The following ZBTB20 variants were observed in gnomAD, a reference collection of about 807,000 sequenced individuals.
ZBTB20 encodes zinc finger and BTB domain containing 20.
ZBTB20 carries 9 observed loss-of-function variants against 56.9 expected under a neutral mutation model. That is an observed-to-expected ratio of 0.16 (90% CI 0.10 to 0.28). ZBTB20 has a LOEUF of 0.28. Ranked by LOEUF, ZBTB20 falls within the 10% of genes least tolerant of loss-of-function variation. The pLI is 1.00. For synonymous variants in ZBTB20, 417 were observed against 420.7 expected (o/e 0.99, Z 0.11); for missense variants, 655 against 1,003.0 (o/e 0.65, Z 4.69).
At chr3:114,867,144 G>C (rs979203711) in intron 4 of ZBTB20, among the ~76,000 whole-genome samples, 2 of 152,162 alleles carry the variant, frequency 1.3e-5, no homozygotes, top group African/African-American at 4.8e-5. Context: ...TGTTCTGTGG[G>C]CACTCGGCTC....
chr3:114,607,303 A>AT (rs34327675), intron 6 of ZBTB20, among the ~76,000 whole-genome samples: 2,929 of 135,606 alleles, frequency 0.022, 57 homozygotes, highest in Non-Finnish European at 0.031. Flanking sequence ...CTGTTCATTC[A>AT]TTTTTTTTTT....
chr3:114,713,552 C>T (rs2064242596), intron 5 of ZBTB20, among the ~76,000 whole-genome samples: 1 of 152,180 alleles, frequency 6.6e-6, no homozygotes, highest in African/African-American at 2.4e-5. Flanking sequence ...CTCAAAGCAT[C>T]ATCTGGCTTT....
At chr3:114,900,712 C>T (rs2075084052) in intron 3 of ZBTB20, 1 of 151,740 alleles carries the variant, frequency 6.6e-6, no homozygotes, top group South Asian at 2.1e-4. Context: ...AATATGACTG[C>T]TGCTCTCTAA....
chr3:114,949,506 G>A, intron 3 of ZBTB20, among the ~76,000 whole-genome samples: 1 of 146,468 alleles, frequency 6.8e-6, no homozygotes, highest in East Asian at 1.9e-4. Context: ...GGCGGCTCAT[G>A]CCTGTAATCC....
At chr3:114,415,720 G>A (rs73241528) in intron 7 of ZBTB20, among the ~76,000 whole-genome samples, 7,723 of 152,136 alleles carry the variant, frequency 0.051, 258 homozygotes, top group Non-Finnish European at 0.072. Context: ...GTGGGGCCAA[G>A]AGAGAGCACG....
At chr3:114,421,372 G>C (rs2089154316) in intron 7 of ZBTB20, among the ~76,000 whole-genome samples, 1 of 152,048 alleles carries the variant, frequency 6.6e-6, no homozygotes, top group Non-Finnish European at 1.5e-5. Context: ...ACTCCTCTGG[G>C]GATATTTCAT....
chr3:114,525,077 CTATTT>C (rs2047066121), intron 6 of ZBTB20, among the ~76,000 whole-genome samples: 3 of 152,160 alleles, frequency 2.0e-5, no homozygotes, highest in Admixed American at 1.3e-4. Flanking sequence ...CTGTCACTCT[CTATTT>C]TATCACTCAG....
At chr3:114,575,411 A>G (rs1009196809) in intron 6 of ZBTB20, among the ~76,000 whole-genome samples, 5 of 152,104 alleles carry the variant, frequency 3.3e-5, no homozygotes, top group Admixed American at 6.6e-5. Flanking sequence ...TTGCTAATCT[A>G]TATTGTTTTA....
chr3:114,998,172 C>T (rs547753598), intron 2 of ZBTB20, among the ~76,000 whole-genome samples: 104 of 151,682 alleles, frequency 6.9e-4, no homozygotes, highest in African/African-American at 2.3e-3. Context: ...ACATTGGTAC[C>T]ATCTTACATA....
At chr3:114,925,372 G>T (rs147954864) in intron 3 of ZBTB20, among the ~76,000 whole-genome samples, 1 of 152,012 alleles carries the variant, frequency 6.6e-6, no homozygotes, top group African/African-American at 2.4e-5. Context: ...CTCTTAAAGC[G>T]CAGTTTTAAT....
At position 114,339,548 on chromosome 3, in the gene ZBTB20, G is replaced by C. The variant is rs2079605740; in HGVS notation, c.1805-122C>G. 3 of 1,189,948 alleles carry C rather than the reference G, an allele frequency of 2.5e-6. No individual in the cohort carries two copies. Among genetic ancestry groups the C allele is most frequent in the Non-Finnish European group, 3.4e-6 (3 of 876,648 alleles). 73.7% of individuals were successfully genotyped at this position (1,189,948 alleles called of 1,614,324 possible). ...ATAAAACAATTAAAAAATAAAATTT[G>C]ATTGCTTAATGGATCATCCTCGTTT... On this transcript the variant is annotated intron_variant, in intron 11 of 11. Transcript: ENST00000675478. This position sits in a 1 kb window ranked among gnomAD's most constrained non-coding sequence, Gnocchi z 4.2.
intron 5 of ZBTB20, among the ~76,000 whole-genome samples, chr3:114,783,460 C>T (rs1242662039): frequency 6.6e-6 from 1 of 152,084 alleles, no homozygotes; most frequent in Non-Finnish European, 1.5e-5. Flanking sequence ...TAAGACTAAA[C>T]ATGGCAGCAT....
intron 2 of ZBTB20, among the ~76,000 whole-genome samples, chr3:115,028,608 ACTT>A (rs2080526955): frequency 6.6e-6 from 1 of 150,412 alleles, no homozygotes; most frequent in Non-Finnish European, 1.5e-5. Context: ...AGGATACAAA[ACTT>A]CTCAGCGAGT....
In ZBTB20 at chr3:114,447,703, T is replaced by C. The variant is rs193138537; in HGVS notation, c.-255+52649A>G. 6.3e-4 allele frequency among the ~76,000 whole-genome samples: 96 copies of C among 152,268 alleles called. No individual in the cohort carries two copies. The Middle Eastern group carries it at 0.01, about 16-fold the overall frequency. On this transcript the variant is annotated intron_variant, in intron 7 of 11. Coordinates refer to ENST00000675478, the MANE Select transcript of ZBTB20 (RefSeq NM_001348800.3). Reference sequence around the variant, plus strand: ...AACTAGAGTGGGACGTTAATTTAAATACAGACTTAAGGAGAAGAGCTCCAT... The same window carrying C: ...AACTAGAGTGGGACGTTAATTTAAACACAGACTTAAGGAGAAGAGCTCCAT...
chr3:114,515,879 A>G (rs2045929181), intron 6 of ZBTB20, among the ~76,000 whole-genome samples: 1 of 152,194 alleles, frequency 6.6e-6, no homozygotes, highest in South Asian at 2.1e-4. Context: ...AAACTAACAA[A>G]CAACAAACCA....
chr3:114,457,272 G>GTGA (rs1232225055), intron 7 of ZBTB20, among the ~76,000 whole-genome samples: 1 of 152,190 alleles, frequency 6.6e-6, no homozygotes, highest in African/African-American at 2.4e-5. Flanking sequence ...TCTGTAAAAG[G>GTGA]TGATGATATT....
intron 5 of ZBTB20, among the ~76,000 whole-genome samples, chr3:114,746,803 C>T (rs756222339): frequency 9.2e-5 from 14 of 152,298 alleles, no homozygotes; most frequent in African/African-American, 1.2e-4. Flanking sequence ...ATAACCATAT[C>T]AGAATCTATA....
At chr3:114,913,097 C>A (rs1237377138) in intron 3 of ZBTB20, among the ~76,000 whole-genome samples, 1 of 151,928 alleles carries the variant, frequency 6.6e-6, no homozygotes, top group Non-Finnish European at 1.5e-5. Context: ...GGGTATATAC[C>A]TAGCAGTCAG....
rs999882988 is a variant in ZBTB20, at chr3:114,452,988, C to T, written c.-255+47364G>A. 2.0e-5 allele frequency among the ~76,000 whole-genome samples: 3 copies of T among 152,080 alleles called. No individual in the cohort carries two copies. In the South Asian group the frequency reaches 6.2e-4, roughly 32 times the overall value. On this transcript the variant is annotated intron_variant, in intron 7 of 11. Transcript: ENST00000675478. ...AGAACTTTAAGAAAGAAAACATTAT[C>T]TTGGGTTTACAAATCCAGGATATTA... is the stretch of plus-strand genomic sequence containing the variant.
Sources: gnomAD v4.1 joint callset for allele counts (sites outside exome capture counted in the v4.1 genomes callset) on GRCh38, gnomAD v4.1.1 for gene constraint, Gnocchi (gnomAD v3.1) non-coding constraint, MANE v1.5 for transcripts, NCBI Gene and HGNC (gene_info 2026-07-23, HGNC 2026-07-21) for gene names.